SPINK5: variants seen among roughly 807,000 people sequenced by gnomAD.
SPINK5 encodes the protein serine peptidase inhibitor Kazal type 5, also known as serine protease inhibitor Kazal-type 5.
In SPINK5, 125 loss-of-function variants were observed where a neutral mutation model predicts 151.8. The ratio of observed to expected loss-of-function variants is 0.82; its 90% CI spans 0.71 to 0.96. The LOEUF (loss-of-function observed/expected upper bound fraction) is 0.96, where lower values mean the gene tolerates loss of function less well. SPINK5 is among the 40% of genes least tolerant of loss of function. The probability of loss-of-function intolerance (pLI) is 0.00; values close to 1 mark genes in which losing one functional copy is unlikely to be tolerated. For synonymous variants in SPINK5, 374 were observed against 395.3 expected, an observed-to-expected ratio of 0.95 and a Z score of 0.64; for missense variants, 1,194 against 1,291.9, an observed-to-expected ratio of 0.92 and a Z score of 1.16.
intron 2 of SPINK5, among the ~76,000 whole-genome samples, chr5:148,070,023 T>G (rs1254418045): frequency 6.6e-6 from 1 of 152,070 alleles, no homozygotes; most frequent in Non-Finnish European, 1.5e-5. Flanking sequence ...TGGCCTACTG[T>G]GTACTAGGTA....
At chr5:148,089,250 C>T in intron 6 of SPINK5, 1 of 570,910 alleles carries the variant, frequency 1.8e-6, no homozygotes, top group Non-Finnish European at 3.3e-6. Flanking sequence ...AAGGACTGTG[C>T]TCTGTCTGAG....
chr5:148,092,827 A>G (rs1198317121), intron 8 of SPINK5, among the ~76,000 whole-genome samples: 1 of 151,962 alleles, frequency 6.6e-6, no homozygotes, highest in Non-Finnish European at 1.5e-5. Flanking sequence ...AAAAATAAAT[A>G]TCTTCTTAAT....
intron 6 of SPINK5, 74 bp from the exon 7 acceptor site, chr5:148,089,420 A>T (rs1753248392): frequency 6.2e-7 from 1 of 1,606,006 alleles, no homozygotes; most frequent in Non-Finnish European, 8.5e-7. Context: ...GACTGAGTTC[A>T]ATAAAATTTC....
At position 148,097,927 on chromosome 5, in the gene SPINK5, A is replaced by G; in HGVS notation, c.943A>G (p.Asn315Asp). ...TGGAATACTTTTCTGTACCAGAGAA[A>G]ATGACCCTATTCGTGGTCCAGATGG... ...KNGILFCTRE[N>D]DPIRGPDGKM... The change falls in exon 11 of 33, where the codon AAT becomes GAT. Residue 315 changes from asparagine to aspartate, a missense_variant. By Grantham distance (23) the Asn-to-Asp change is conservative. Transcript: ENST00000256084. 1 of 1,612,476 alleles carries G rather than the reference A, an allele frequency of 6.2e-7. No individual in the cohort carries two copies. The highest frequency in any genetic ancestry group is 8.5e-7 in the Non-Finnish European group (1 of 1,178,872).
chr5:148,089,751 C>A, intron 7 of SPINK5, 130 bp downstream of exon 7: 1 of 1,350,564 alleles, frequency 7.4e-7, no homozygotes, highest in Middle Eastern at 2.1e-4. Context: ...GTGAAATAGC[C>A]TTTCTCACAG....
rs1754413645 is a variant in SPINK5, at chr5:148,125,746, C to G, written c.2763C>G (p.Asn921Lys). ...AGGATGAGTGCAGTGAATTTCGAAACTATATAAGGAACAATGAACTCATCT... is the reference window on the plus strand; with the variant it reads ...AGGATGAGTGCAGTGAATTTCGAAAGTATATAAGGAACAATGAACTCATCT... ...NAKDECSEFR[N>K]YIRNNELICP... is the part of the protein sequence containing the mutation. The change falls in exon 29 of 33, where the codon AAC becomes AAG. Residue 921 changes from asparagine to lysine, a missense_variant. By Grantham distance (94) the Asn-to-Lys change is moderately conservative. Coordinates refer to ENST00000256084, the MANE Select transcript of SPINK5 (RefSeq NM_006846.4). The G allele has an allele frequency of 3.1e-6, 5 of 1,614,150 alleles. No individual in the cohort carries two copies. Among genetic ancestry groups the G allele is most frequent in the Non-Finnish European group, 4.2e-6 (5 of 1,180,024 alleles).
chr5:148,126,377 TA>T (rs1754431317), intron 29 of SPINK5, among the ~76,000 whole-genome samples: 1 of 152,132 alleles, frequency 6.6e-6, no homozygotes, highest in East Asian at 1.9e-4. Context: ...CAAATTTCTT[TA>T]GCTTTTCATA....
chr5:148,135,598 G>A (rs6896451), intron 32 of SPINK5, among the ~76,000 whole-genome samples: 4,471 of 152,206 alleles, frequency 0.029, 203 homozygotes, highest in African/African-American at 0.1. Context: ...AAAAATTAAC[G>A]TGTCCTGGAC....
At chr5:148,093,221 TAG>T (rs1753360242) in intron 8 of SPINK5, among the ~76,000 whole-genome samples, 1 of 151,960 alleles carries the variant, frequency 6.6e-6, no homozygotes, top group Non-Finnish European at 1.5e-5. Context: ...TAGAGTAGCT[TAG>T]AGTATCATTT....
intron 5 of SPINK5, among the ~76,000 whole-genome samples, chr5:148,086,883 T>C (rs1479935298): frequency 1.3e-5 from 2 of 149,612 alleles, no homozygotes; most frequent in Admixed American, 1.3e-4. Flanking sequence ...ACAGATTTAA[T>C]ATTTTAATAA....
At chr5:148,066,017 C>A (rs1752575120) in intron 2 of SPINK5, among the ~76,000 whole-genome samples, 1 of 151,944 alleles carries the variant, frequency 6.6e-6, no homozygotes, top group East Asian at 1.9e-4. Context: ...TAATAGGATC[C>A]CTGAGAATGG....
In SPINK5 at chr5:148,125,769, T is replaced by C. The variant is rs755037059; in HGVS notation, c.2786T>C (p.Ile929Thr). The part of the protein sequence containing the change: ...FRNYIRNNEL[I>T]CPRENDPVHG... ...AACTATATAAGGAACAATGAACTCA[T>C]CTGCCCTAGAGAGAATGACCCAGTG... The change falls in exon 29 of 33, where the codon ATC becomes ACC. Residue 929 changes from isoleucine to threonine, a missense_variant. Ile to Thr is a moderately conservative substitution (Grantham distance 89). Transcript: ENST00000256084. 3.1e-6 allele frequency: 5 copies of C among 1,614,234 alleles called. No homozygotes were observed. The highest frequency in any genetic ancestry group is 4.2e-6 in the Non-Finnish European group (5 of 1,180,032).
chr5:148,082,994 A>G (rs1753060420), intron 4 of SPINK5, among the ~76,000 whole-genome samples: 2 of 132,304 alleles, frequency 1.5e-5, no homozygotes, highest in Non-Finnish European at 3.3e-5. Context: ...TTTTTTTTTT[A>G]CTTAATATAT....
In SPINK5 at chr5:148,111,891, T is replaced by G. The variant is rs1243020866; in HGVS notation, c.1816T>G (p.Phe606Val). ...CAACACCTGCTCCATGTGTGAAGCC[T>G]TCTTGTGAGTGGGCGGCAGCCACTG... ...HGNTCSMCEAFFQQEAKEKER... is the reference protein window; with the variant it reads ...HGNTCSMCEAVFQQEAKEKER... Residue 606 changes from phenylalanine (F) to valine (V), a missense_variant, in exon 19 of 33, where the codon TTC (phenylalanine) becomes GTC (valine). Transcript: ENST00000256084. 6.2e-7 allele frequency: 1 copy of G among 1,613,820 alleles called. No individual in the cohort carries two copies. The highest frequency in any genetic ancestry group is 8.5e-7 in the Non-Finnish European group (1 of 1,179,894).
intron 4 of SPINK5, among the ~76,000 whole-genome samples, chr5:148,083,748 T>G (rs1753083220): frequency 1.3e-5 from 2 of 151,600 alleles, no homozygotes; most frequent in Non-Finnish European, 3.0e-5. Context: ...AAATTGTTCC[T>G]TTCTTCAGAT....
intron 10 of SPINK5, among the ~76,000 whole-genome samples, chr5:148,096,744 TTTCTTTTC>T: frequency 7.0e-6 from 1 of 142,796 alleles, no homozygotes; most frequent in East Asian, 2.2e-4. Flanking sequence ...TTCTTTTTCT[TTTCTTTTC>T]TTTTTTTTTT....
intron 30 of SPINK5, among the ~76,000 whole-genome samples, chr5:148,131,007 T>C (rs1754556358): frequency 1.3e-5 from 2 of 152,226 alleles, no homozygotes; most frequent in African/African-American, 4.8e-5. Flanking sequence ...ATAAAGGATA[T>C]TTGCTTTCTT....
intron 11 of SPINK5, among the ~76,000 whole-genome samples, chr5:148,098,275 C>T (rs1017050465): frequency 1.3e-5 from 2 of 152,006 alleles, no homozygotes; most frequent in African/African-American, 2.4e-5. Flanking sequence ...AAACTTCACA[C>T]GTTAGCCTGT....
intron 8 of SPINK5, among the ~76,000 whole-genome samples, chr5:148,092,216 C>T (rs1346295972): frequency 2.6e-5 from 4 of 151,972 alleles, no homozygotes; most frequent in East Asian, 2.0e-4. Context: ...AGAAACAAGC[C>T]CACCTTTTGG....
Sources: allele counts gnomAD v4.1 joint callset (sites outside exome capture counted in the v4.1 genomes callset), GRCh38; gene constraint gnomAD v4.1.1; transcripts MANE v1.5; gene names NCBI Gene and HGNC (gene_info 2026-07-23, HGNC 2026-07-21).